The following AHI1 variants were observed in gnomAD, a reference collection of about 807,000 sequenced individuals.
The protein encoded by AHI1 is jouberin.
A neutral mutation model predicts 149.3 loss-of-function variants in AHI1; 123 were observed. That is an observed-to-expected ratio of 0.82 (90% CI 0.71 to 0.96). The LOEUF is 0.96. Among genes scored for constraint, AHI1 ranks in the 40% least tolerant of loss-of-function variants. The pLI, the probability that AHI1 is intolerant of heterozygous loss-of-function variation, is 0.00. For synonymous variants in AHI1, 475 were observed against 459.8 expected, an observed-to-expected ratio of 1.03 and a Z score of -0.42; for missense variants, 1,439 against 1,422.7, an observed-to-expected ratio of 1.01 and a Z score of -0.18.
rs114665265 is a variant in AHI1 at position 135,460,922 on chromosome 6, C to T, written c.931+2203G>A. 7.2e-3 allele frequency among the ~76,000 whole-genome samples: 1,099 copies of T among 152,238 alleles called. 18 individuals are homozygous for T. The highest frequency in any genetic ancestry group is 0.025 in the African/African-American group (1,045 of 41,560). ...TCCTATCATAAACATAAACCAATTC[C>T]TGATGAACTGCATATCTAAATGTGA... On this transcript the variant is annotated intron_variant, in intron 8 of 28. Transcript: ENST00000265602.
At chr6:135,423,178 T>C (rs1783456209) in intron 20 of AHI1, among the ~76,000 whole-genome samples, 1 of 152,168 alleles carries the variant, frequency 6.6e-6, no homozygotes, top group South Asian at 2.1e-4. Context: ...GCTCATAAGA[T>C]TGGTAGACAC....
intron 23 of AHI1, 69 bp downstream of exon 23, chr6:135,394,705 TAA>T: frequency 6.4e-7 from 1 of 1,571,266 alleles, no homozygotes; most frequent in Non-Finnish European, 8.7e-7. Context: ...TCTAAAGAAA[TAA>T]GTGATATTCA....
At chr6:135,370,483 T>C (rs1774880874) in intron 23 of AHI1, among the ~76,000 whole-genome samples, 1 of 152,228 alleles carries the variant, frequency 6.6e-6, no homozygotes. Context: ...GTCCACATAG[T>C]CCTTAGAAGT....
intron 5 of AHI1, among the ~76,000 whole-genome samples, chr6:135,472,018 C>CAAAAAAAAAAAAAAAAAAAAAA (rs541390652): frequency 1.3e-4 from 7 of 54,424 alleles, no homozygotes; most frequent in Non-Finnish European, 1.2e-4. Context: ...GACTCCGTCT[C>CAAAAAAAAAAAAAAAAAAAAAA]AAAAAAAAAA....
At chr6:135,299,895 T>C (rs528481250) in intron 27 of AHI1, among the ~76,000 whole-genome samples, 1 of 152,366 alleles carries the variant, frequency 6.6e-6, no homozygotes, top group Non-Finnish European at 1.5e-5. Flanking sequence ...TTTCAGTTAA[T>C]GTTATTTCAA....
chr6:135,467,785 G>A (rs975325312), intron 5 of AHI1, among the ~76,000 whole-genome samples, 151 bp from the exon 6 acceptor site: 1 of 152,162 alleles, frequency 6.6e-6, no homozygotes, highest in Non-Finnish European at 1.5e-5. Flanking sequence ...AGCATTTGAT[G>A]AGTACTCTCA....
intron 21 of AHI1, among the ~76,000 whole-genome samples, chr6:135,406,483 G>C (rs1562690221): frequency 6.6e-6 from 1 of 152,020 alleles, no homozygotes; most frequent in Non-Finnish European, 1.5e-5. Flanking sequence ...TGGAAAATGG[G>C]AATAATACTC....
At chr6:135,452,956 T>C (rs1030754326) in intron 11 of AHI1, among the ~76,000 whole-genome samples, 2 of 152,228 alleles carry the variant, frequency 1.3e-5, no homozygotes, top group African/African-American at 4.8e-5. Context: ...TGATAAATTG[T>C]GAAATCAATT....
At position 135,383,226 on chromosome 6, in the gene AHI1, C is replaced by CTTTTTTTTTTTTTTTTTTTT. The variant is rs764546253; in HGVS notation, c.3109+11530_3109+11549dup. On this transcript the variant is annotated intron_variant, in intron 23 of 28. Transcript: ENST00000265602. ...GATTGATTCCTTCCTTCCCCCCTCC[C>CTTTTTTTTTTTTTTTTTTTT]TTTTTTTTTTTTTTTTTTTTTGAGA... Among the ~76,000 whole-genome samples, 24 of 76,868 alleles carry CTTTTTTTTTTTTTTTTTTTT rather than the reference C, an allele frequency of 3.1e-4. 6 individuals carry two copies. The highest frequency in any genetic ancestry group is 1.4e-3 in the African/African-American group (21 of 15,038). The allele number at this position is 76,868 out of a possible 152,430, so 50.4% of individuals were successfully genotyped here.
chr6:135,448,165 A>C, intron 12 of AHI1, 125 bp downstream of exon 12: 1 of 600,914 alleles, frequency 1.7e-6, no homozygotes, highest in Non-Finnish European at 2.5e-6. Flanking sequence ...GGCTTAATAT[A>C]TAACCCCAGA....
At chr6:135,358,025 T>A (rs886665945) in intron 24 of AHI1, 107 bp downstream of exon 24, 15 of 935,052 alleles carry the variant, frequency 1.6e-5, no homozygotes, top group Admixed American at 9.4e-5. Context: ...GGATATAACT[T>A]TTGGCAAAAA....
chr6:135,376,921 A>AAAAAAAG (rs1776025303), intron 23 of AHI1, among the ~76,000 whole-genome samples: 2 of 128,798 alleles, frequency 1.6e-5, no homozygotes, highest in African/African-American at 5.7e-5. Flanking sequence ...AAAAAAAAAA[A>AAAAAAAG]GTTGGTCCAG....
intron 5 of AHI1, among the ~76,000 whole-genome samples, chr6:135,482,481 G>C (rs1165726269): frequency 6.8e-6 from 1 of 148,084 alleles, no homozygotes; most frequent in African/African-American, 2.5e-5. Context: ...TTTTTTTTTT[G>C]TTTGTTTGAT....
chr6:135,300,335 A>G (rs1469915618), intron 27 of AHI1, among the ~76,000 whole-genome samples, 165 bp downstream of exon 27: 1 of 151,086 alleles, frequency 6.6e-6, no homozygotes, highest in Non-Finnish European at 1.5e-5. Context: ...CAAAAAAAAA[A>G]AAAAAGAAAA....
chr6:135,463,056 G>C, intron 8 of AHI1, 69 bp downstream of exon 8: 2 of 1,320,780 alleles, frequency 1.5e-6, no homozygotes, highest in Non-Finnish European at 2.1e-6. Context: ...GTTTTAAAGG[G>C]CTAAAATTCC....
At chr6:135,375,935 T>C (rs1386903749) in intron 23 of AHI1, among the ~76,000 whole-genome samples, 2 of 152,044 alleles carry the variant, frequency 1.3e-5, no homozygotes, top group Non-Finnish European at 2.9e-5. Context: ...GCTCAAAGGC[T>C]AACTGGTTCA....
intron 5 of AHI1, among the ~76,000 whole-genome samples, chr6:135,487,223 T>A (rs1046255543): frequency 6.6e-6 from 1 of 152,246 alleles, no homozygotes; most frequent in African/African-American, 2.4e-5. Context: ...TCTGACAACT[T>A]AGAAAGTGTA....
intron 24 of AHI1, among the ~76,000 whole-genome samples, chr6:135,351,391 T>C (rs530555094): frequency 9.9e-5 from 15 of 152,212 alleles, no homozygotes; most frequent in Admixed American, 3.3e-4. Flanking sequence ...TGAGGTCCTA[T>C]TTGCATAAAC....
At chr6:135,409,059 A>G (rs1213273202) in intron 21 of AHI1, among the ~76,000 whole-genome samples, 1 of 152,162 alleles carries the variant, frequency 6.6e-6, no homozygotes, top group Non-Finnish European at 1.5e-5. Flanking sequence ...TGCCTATGAA[A>G]CATTTCTATC....
Sources: allele counts gnomAD v4.1 joint callset (sites outside exome capture counted in the v4.1 genomes callset), GRCh38; gene constraint gnomAD v4.1.1; transcripts MANE v1.5; gene names NCBI Gene and HGNC (gene_info 2026-07-23, HGNC 2026-07-21).